Variants in RIN2 observed in about 807,000 individuals in gnomAD.
The protein encoded by RIN2 is Ras and Rab interactor 2.
Under a neutral mutation model 78.0 loss-of-function variants are expected in RIN2, and 36 were observed. The ratio of observed to expected loss-of-function variants is 0.46; its 90% CI spans 0.35 to 0.61. The LOEUF (loss-of-function observed/expected upper bound fraction) is 0.61. Ranked by LOEUF, RIN2 falls within the 20% of genes least tolerant of loss-of-function variation. The pLI, the probability that RIN2 is intolerant of heterozygous loss-of-function variation, is 0.00. For synonymous variants in RIN2, 466 were observed against 466.8 expected (o/e 1.00, Z 0.02); for missense variants, 1,087 against 1,159.7 (o/e 0.94, Z 0.91).
chr20:19,877,096 T>C (rs2037882162), intron 2 of RIN2, among the ~76,000 whole-genome samples: 2 of 152,144 alleles, frequency 1.3e-5, no homozygotes, highest in African/African-American at 4.8e-5. Context: ...AGTAAGAAGA[T>C]AAGGTCTTCA....
At chr20:19,792,961 G>A (rs1173282836) in intron 1 of RIN2, among the ~76,000 whole-genome samples, 1 of 151,972 alleles carries the variant, frequency 6.6e-6, no homozygotes, top group Non-Finnish European at 1.5e-5. Context: ...GTGTGTGTGT[G>A]TGTGTGTGTC....
chr20:19,998,834 C>CT (rs1415963973), intron 12 of RIN2, among the ~76,000 whole-genome samples: 1 of 152,196 alleles, frequency 6.6e-6, no homozygotes, highest in Non-Finnish European at 1.5e-5. Flanking sequence ...CAGGGAGGGG[C>CT]TGCCTAGGGC....
At chr20:19,800,766 CATT>C (rs1413659002) in intron 2 of RIN2, among the ~76,000 whole-genome samples, 3 of 152,332 alleles carry the variant, frequency 2.0e-5, no homozygotes, top group South Asian at 2.1e-4. Flanking sequence ...GCAAAATAAA[CATT>C]GTTGTTTTCA....
intron 4 of RIN2, among the ~76,000 whole-genome samples, chr20:19,946,603 G>A (rs999455437): frequency 1.3e-5 from 2 of 151,108 alleles, no homozygotes; most frequent in Admixed American, 6.6e-5. Context: ...CTAGCTGCTC[G>A]GGAGGTTGAG....
chr20:19,931,120 C>G (rs1416177858), intron 3 of RIN2, among the ~76,000 whole-genome samples: 1 of 152,040 alleles, frequency 6.6e-6, no homozygotes, highest in Non-Finnish European at 1.5e-5. Context: ...CACACGTGAC[C>G]GAGCCCATTG....
At chr20:19,876,935 A>G (rs6081788) in intron 2 of RIN2, among the ~76,000 whole-genome samples, 29,196 of 151,632 alleles carry the variant, frequency 0.19, 3,137 homozygotes, top group Middle Eastern at 0.37. Context: ...CAAACAAAAA[A>G]AACAACCACA....
intron 2 of RIN2, chr20:19,886,835 C>A: frequency 1.8e-6 from 2 of 1,084,844 alleles, no homozygotes; most frequent in Non-Finnish European, 2.7e-6. Flanking sequence ...TAGGATGAAG[C>A]TGCTGGGGTG....
At chr20:19,829,916 T>A (rs892431652) in intron 2 of RIN2, among the ~76,000 whole-genome samples, 3 of 152,246 alleles carry the variant, frequency 2.0e-5, no homozygotes, top group African/African-American at 4.8e-5. Context: ...AACAAAGCCT[T>A]GTGGGAGCCC....
chr20:19,874,238 T>G (rs1434039683), intron 2 of RIN2, among the ~76,000 whole-genome samples: 3 of 152,218 alleles, frequency 2.0e-5, no homozygotes, highest in African/African-American at 4.8e-5. Context: ...ATGACTTCAG[T>G]GTCAATGACT....
At chr20:19,789,674 G>A (rs73291564) in intron 1 of RIN2, among the ~76,000 whole-genome samples, 2,509 of 152,290 alleles carry the variant, frequency 0.016, 61 homozygotes, top group African/African-American at 0.057. Context: ...CCATGGGGTC[G>A]TAGGACTCTC....
chr20:19,823,912 T>A (rs6106138), intron 2 of RIN2: 45,127 of 1,590,040 alleles, frequency 0.028, 974 homozygotes, highest in African/African-American at 0.091. Context: ...GTATACGACT[T>A]TGATCTCGTT....
chr20:19,819,569 G>A (rs1362346747), intron 2 of RIN2, among the ~76,000 whole-genome samples: 1 of 152,144 alleles, frequency 6.6e-6, no homozygotes. Flanking sequence ...TATGAGACAA[G>A]GTCTCACCGA....
At chr20:19,820,250 G>A (rs1293345933) in intron 2 of RIN2, among the ~76,000 whole-genome samples, 1 of 152,136 alleles carries the variant, frequency 6.6e-6, no homozygotes, top group Non-Finnish European at 1.5e-5. Context: ...TTATTTGAAA[G>A]GTGAAACCAG....
At chr20:19,968,804 C>T (rs1370051198) in intron 7 of RIN2, among the ~76,000 whole-genome samples, 1 of 152,148 alleles carries the variant, frequency 6.6e-6, no homozygotes, top group Non-Finnish European at 1.5e-5. Flanking sequence ...TATTTACAGT[C>T]TAGTTTGGTG....
intron 2 of RIN2, among the ~76,000 whole-genome samples, chr20:19,878,019 A>G (rs1421301671): frequency 1.3e-5 from 2 of 152,114 alleles, no homozygotes; most frequent in African/African-American, 4.8e-5. Flanking sequence ...GAGTGTCTCA[A>G]AAAAGAAAAA....
At chr20:19,960,006 G>C (rs972347767) in intron 5 of RIN2, among the ~76,000 whole-genome samples, 1 of 152,212 alleles carries the variant, frequency 6.6e-6, no homozygotes, top group Non-Finnish European at 1.5e-5. Context: ...GAGGGAACTG[G>C]TAGAATGTGA....
rs1459560724 is a variant in RIN2, at chr20:19,964,935, T to C, written c.464-17T>C. 6.2e-7 allele frequency: 1 copy of C among 1,611,894 alleles called. No individual in the cohort carries two copies. Among genetic ancestry groups the C allele is most frequent in the Non-Finnish European group, 8.5e-7 (1 of 1,178,390 alleles). On this transcript the variant is annotated splice_polypyrimidine_tract_variant and intron_variant, in intron 6 of 12. Transcript: ENST00000255006. The stretch of plus-strand genomic sequence containing the variant: ...TGCTCAGGGAGAATCAGCTGGTTTC[T>C]GAAATCTCTTTTCCAGCCTTTTCCC...
chr20:19,956,872 C>A, intron 5 of RIN2, 65 bp downstream of exon 5: 1 of 1,364,854 alleles, frequency 7.3e-7, no homozygotes, highest in Non-Finnish European at 9.7e-7. Context: ...TAAAGAAAAA[C>A]ACTTGGAGTT....
intron 2 of RIN2, among the ~76,000 whole-genome samples, chr20:19,835,104 GA>G (rs1189136419): frequency 9.1e-5 from 13 of 143,262 alleles, no homozygotes; most frequent in Non-Finnish European, 1.4e-4. Flanking sequence ...AAAGAAGAAA[GA>G]AAGAAAGAGG....
Sources: allele counts gnomAD v4.1 joint callset (sites outside exome capture counted in the v4.1 genomes callset), GRCh38; gene constraint gnomAD v4.1.1; transcripts MANE v1.5; gene names NCBI Gene and HGNC (gene_info 2026-07-23, HGNC 2026-07-21).